Variants in TXNDC16 observed in about 807,000 individuals in gnomAD.
TXNDC16 encodes thioredoxin domain-containing protein 16.
In TXNDC16, 74 loss-of-function variants were observed where a neutral mutation model predicts 85.6. The ratio of observed to expected loss-of-function variants is 0.86; its 90% CI spans 0.72 to 1.05. The LOEUF is 1.05. Among genes scored for constraint, TXNDC16 ranks in the 50% least tolerant of loss-of-function variants. The pLI, the probability that TXNDC16 is intolerant of heterozygous loss-of-function variation, is 0.00. For synonymous variants in TXNDC16, 335 were observed against 326.5 expected, an observed-to-expected ratio of 1.03 and a Z score of -0.28; for missense variants, 959 against 947.0, an observed-to-expected ratio of 1.01 and a Z score of -0.17.
At position 52,514,876 on chromosome 14, in the gene TXNDC16, A is replaced by T. The variant is rs1454252370; in HGVS notation, c.605+4T>A. The T allele has an allele frequency of 6.3e-7, 1 of 1,594,820 alleles. No homozygotes were observed. Among genetic ancestry groups the T allele is most frequent in the South Asian group, 1.1e-5 (1 of 87,222 alleles). On this transcript the variant is annotated splice_donor_region_variant and intron_variant, in intron 8 of 20. Coordinates refer to ENST00000281741, the MANE Select transcript of TXNDC16 (RefSeq NM_020784.3). ...AATTGTTGACATATGCTTTTTATAC[A>T]TACCCAATACTTTCCAAAAGGGCAA...
At position 52,530,272 on chromosome 14, in the gene TXNDC16, T is replaced by TTATATAATAAATATATTAC. The variant is rs1566581948; in HGVS notation, c.392+6446_392+6447insGTAATATATTTATTATATA. On this transcript the variant is annotated intron_variant, in intron 6 of 20. Transcript: ENST00000281741. Reference sequence around the variant, plus strand: ...AATATATATTATATAATATATATTATTATTTAATATATAATTATTATATAT... The same window carrying TTATATAATAAATATATTAC: ...AATATATATTATATAATATATATTATTATATAATAAATATATTACTATTTAATATATAATTATTATATAT... Among the ~76,000 whole-genome samples, 37 of 62,178 alleles carry TTATATAATAAATATATTAC rather than the reference T, an allele frequency of 6.0e-4. 1 individual carries two copies. The highest frequency in any genetic ancestry group is 2.9e-3 in the African/African-American group (37 of 12,960). The allele number at this position is 62,178 out of a possible 152,430, so 40.8% of individuals were successfully genotyped here. A position where few individuals can be genotyped will look rare whatever the true frequency, so the allele number is the denominator to read the frequency against.
chr14:52,530,382 A>C (rs2037500229), intron 6 of TXNDC16, among the ~76,000 whole-genome samples: 2 of 26,844 alleles, frequency 7.5e-5, no homozygotes, highest in African/African-American at 4.5e-4. Context: ...ATAATATTAT[A>C]TATAATATTA....
In TXNDC16 at chr14:52,491,016, A is replaced by T. The variant is rs1319049655; in HGVS notation, c.757-11T>A. 3.3e-6 allele frequency: 4 copies of T among 1,216,936 alleles called. No homozygotes were observed. Among genetic ancestry groups the T allele is most frequent in the Non-Finnish European group, 3.3e-6 (3 of 906,514 alleles). The allele number at this position is 1,216,936 out of a possible 1,614,324, so 75.4% of individuals were successfully genotyped here. On this transcript the variant is annotated splice_polypyrimidine_tract_variant and intron_variant, in intron 9 of 20. Transcript: ENST00000281741. ...TTCAGCAACTTCAGTCTTCATTGAA[A>T]AAAAAAAAAAAAAAAGGTGTGATAA... is the stretch of plus-strand genomic sequence containing the variant.
rs576653842 is a variant in TXNDC16, at chr14:52,465,622, G to A, written c.1618+4415C>T. 1.8e-3 allele frequency among the ~76,000 whole-genome samples: 272 copies of A among 149,782 alleles called. 1 individual carries two copies. The highest frequency in any genetic ancestry group is 3.3e-3 in the Non-Finnish European group (225 of 67,426). ...AAAAAAAAAAAAAATTGAGGGTTTT[G>A]TTACCGACTCAAGAGGCCACCTAGA... On this transcript the variant is annotated intron_variant, in intron 16 of 20. Coordinates refer to ENST00000281741, the MANE Select transcript of TXNDC16 (RefSeq NM_020784.3).
intron 18 of TXNDC16, among the ~76,000 whole-genome samples, chr14:52,452,248 T>TTA (rs2035429144): frequency 6.6e-6 from 1 of 152,178 alleles, no homozygotes. Flanking sequence ...TAAAATGTTC[T>TTA]TAATACCCAA....
chr14:52,433,816 T>C (rs925871451), intron 20 of TXNDC16, among the ~76,000 whole-genome samples: 2 of 152,178 alleles, frequency 1.3e-5, no homozygotes, highest in East Asian at 1.9e-4. Context: ...TTCTTGAACA[T>C]AATGAACAGG....
chr14:52,525,446 C>T (rs1264978025), intron 6 of TXNDC16, among the ~76,000 whole-genome samples: 2 of 151,232 alleles, frequency 1.3e-5, no homozygotes, highest in Admixed American at 6.6e-5. Context: ...AATCCCAACA[C>T]TTTAGGAGGC....
At chr14:52,472,131 CTT>C (rs1293241140) in intron 14 of TXNDC16, among the ~76,000 whole-genome samples, 1 of 150,606 alleles carries the variant, frequency 6.6e-6, no homozygotes, top group Non-Finnish European at 1.5e-5. Flanking sequence ...GATGTAATAA[CTT>C]ATCACTTTAG....
intron 1 of TXNDC16, among the ~76,000 whole-genome samples, chr14:52,551,410 T>G (rs1594772782): frequency 1.5e-5 from 2 of 135,562 alleles, no homozygotes; most frequent in African/African-American, 2.9e-5. Flanking sequence ...GCCCAGGAGG[T>G]GGAGGTTTGT....
At chr14:52,484,519 A>G (rs749963027) in intron 12 of TXNDC16, among the ~76,000 whole-genome samples, 2 of 152,328 alleles carry the variant, frequency 1.3e-5, no homozygotes, top group South Asian at 4.1e-4. Flanking sequence ...CCATTGTAAC[A>G]TCGTAGCACA....
chr14:52,534,411 A>AT (rs895016245), intron 6 of TXNDC16, among the ~76,000 whole-genome samples: 3 of 151,976 alleles, frequency 2.0e-5, no homozygotes, highest in Non-Finnish European at 4.4e-5. Flanking sequence ...TGTTTCTGCA[A>AT]TTTTTTTTAA....
In TXNDC16 at chr14:52,469,283, AT is replaced by A. The variant is rs570295704; in HGVS notation, c.1618+753del. 6.6e-4 allele frequency among the ~76,000 whole-genome samples: 100 copies of A among 151,060 alleles called. 1 individual carries two copies. Among genetic ancestry groups the A allele is most frequent in the African/African-American group, 1.9e-3 (79 of 41,144 alleles). On this transcript the variant is annotated intron_variant, in intron 16 of 20. Coordinates refer to ENST00000281741, the MANE Select transcript of TXNDC16 (RefSeq NM_020784.3). ...GATTGCTTGAGCCCAGGAAGCAGAG[AT>A]TGCAGTGAGCCGAGATCATGCCATT...
chr14:52,518,409 C>A (rs913563762), intron 7 of TXNDC16, among the ~76,000 whole-genome samples: 2 of 152,216 alleles, frequency 1.3e-5, no homozygotes, highest in Admixed American at 1.3e-4. Context: ...TATTCCCAGT[C>A]TTCTGAACCT....
At chr14:52,478,040 G>A (rs1406482162) in intron 14 of TXNDC16, among the ~76,000 whole-genome samples, 1 of 152,066 alleles carries the variant, frequency 6.6e-6, no homozygotes, top group African/African-American at 2.4e-5. Flanking sequence ...TCAAAACCAT[G>A]CAAATACATG....
At chr14:52,491,115 T>C (rs1049594437) in intron 9 of TXNDC16, 110 bp from the exon 10 acceptor site, 1 of 1,216,912 alleles carries the variant, frequency 8.2e-7, no homozygotes, top group African/African-American at 1.6e-5. Context: ...AAGTGTAAAA[T>C]AATCCAACAC....
Position 52,470,108 on chromosome 14 carries a change from T to A in TXNDC16, c.1547A>T (p.Glu516Val). ...ATACAAGATGAGGTCTTTATATAATTCCCCACTTAAATATTCTTCTGCTTC... is the reference window on the plus strand; with the variant it reads ...ATACAAGATGAGGTCTTTATATAATACCCCACTTAAATATTCTTCTGCTTC... Reference protein sequence around the residue: ...IQEAEEYLSGELYKDLILYSS... With the variant: ...IQEAEEYLSGVLYKDLILYSS... Residue 516 changes from glutamate (E) to valine (V), a missense_variant, in exon 16 of 21, where the codon GAA becomes GTA. Transcript: ENST00000281741. 3 of 1,611,028 alleles carry A rather than the reference T, an allele frequency of 1.9e-6. No homozygotes were observed. The highest frequency in any genetic ancestry group is 1.1e-5 in the South Asian group (1 of 90,654).
At chr14:52,487,188 C>T (rs572324680) in intron 12 of TXNDC16, among the ~76,000 whole-genome samples, 1 of 152,280 alleles carries the variant, frequency 6.6e-6, no homozygotes, top group South Asian at 2.1e-4. Flanking sequence ...GACCAGAACA[C>T]AGGTCTGCTT....
intron 9 of TXNDC16, among the ~76,000 whole-genome samples, chr14:52,509,436 A>C (rs1473266097): frequency 3.9e-5 from 6 of 151,998 alleles, no homozygotes; most frequent in Admixed American, 3.9e-4. Flanking sequence ...AGATTAAAAC[A>C]TATTCAGAGG....
chr14:52,455,223 C>T, intron 18 of TXNDC16, 101 bp downstream of exon 18: 1 of 1,383,982 alleles, frequency 7.2e-7, no homozygotes, highest in South Asian at 1.4e-5. Context: ...ATCACCCTGC[C>T]CTGTACCAGC....
Sources: allele counts gnomAD v4.1 joint callset (sites outside exome capture counted in the v4.1 genomes callset), GRCh38; gene constraint gnomAD v4.1.1; transcripts MANE v1.5; gene names NCBI Gene and HGNC (gene_info 2026-07-23, HGNC 2026-07-21).